Variants in ROBO1 observed in about 807,000 individuals in gnomAD.
ROBO1 encodes the protein roundabout guidance receptor 1.
A neutral mutation model predicts 195.9 loss-of-function variants in ROBO1; 149 were observed. The observed-to-expected ratio is 0.76, with a 90% confidence interval of 0.67 to 0.87. ROBO1 has a LOEUF of 0.87. Ranked by LOEUF, ROBO1 falls within the 40% of genes least tolerant of loss-of-function variation. The pLI is 0.00. For missense variants in ROBO1, 1,933 were observed against 2,068.3 expected (o/e 0.93, Z 1.27); for synonymous variants, 816 against 733.2 (o/e 1.11, Z -1.82).
intron 2 of ROBO1, among the ~76,000 whole-genome samples, chr3:79,479,467 C>T (rs1007882177): frequency 6.6e-6 from 1 of 152,146 alleles, no homozygotes; most frequent in Non-Finnish European, 1.5e-5. Context: ...TGCTACGTGG[C>T]CACGTTCCTA....
intron 14 of ROBO1, 120 bp from the exon 15 acceptor site, chr3:78,662,234 C>T: frequency 2.7e-6 from 2 of 749,338 alleles, no homozygotes; most frequent in South Asian, 3.3e-5. Context: ...CCAAGCCAGG[C>T]TGTGATTCGG....
intron 2 of ROBO1, among the ~76,000 whole-genome samples, chr3:79,232,730 CCTAGAA>C (rs2082342342): frequency 6.6e-6 from 1 of 152,018 alleles, no homozygotes; most frequent in South Asian, 2.1e-4. Flanking sequence ...TAATTTTGAG[CCTAGAA>C]TTTGATACAG....
chr3:79,060,835 TGATG>T (rs1321969487), intron 3 of ROBO1, among the ~76,000 whole-genome samples: 1 of 152,170 alleles, frequency 6.6e-6, no homozygotes, highest in Non-Finnish European at 1.5e-5. Context: ...AACTAGGTAT[TGATG>T]GACTATATCT....
chr3:78,725,372 G>C (rs1368678124), intron 5 of ROBO1, among the ~76,000 whole-genome samples: 1 of 72,010 alleles, frequency 1.4e-5, no homozygotes, highest in African/African-American at 3.5e-5. Flanking sequence ...AATAGTCTCA[G>C]GTTAAAAAAA....
At chr3:79,203,909 C>A (rs1282344462) in intron 2 of ROBO1, among the ~76,000 whole-genome samples, 1 of 152,112 alleles carries the variant, frequency 6.6e-6, no homozygotes, top group Non-Finnish European at 1.5e-5. Context: ...TTTGCCAATG[C>A]CACCCGCTAC....
At chr3:79,622,284 T>C (rs144428965) in intron 1 of ROBO1, among the ~76,000 whole-genome samples, 1 of 152,310 alleles carries the variant, frequency 6.6e-6, no homozygotes, top group African/African-American at 2.4e-5. Context: ...CAACAGCCTG[T>C]CAGCTGGAAC....
chr3:79,361,990 T>C (rs1475769307), intron 2 of ROBO1, among the ~76,000 whole-genome samples: 1 of 152,112 alleles, frequency 6.6e-6, no homozygotes, highest in Non-Finnish European at 1.5e-5. Context: ...TATCAGCTTA[T>C]TCCTCCTGAT....
intron 1 of ROBO1, among the ~76,000 whole-genome samples, chr3:79,705,933 G>A (rs1169103495): frequency 2.0e-5 from 3 of 151,996 alleles, no homozygotes; most frequent in Non-Finnish European, 4.4e-5. Context: ...GTGCTGATAT[G>A]AATATTGTGT....
At chr3:79,525,078 A>G (rs1941369166) in intron 2 of ROBO1, among the ~76,000 whole-genome samples, 1 of 151,826 alleles carries the variant, frequency 6.6e-6, no homozygotes, top group Admixed American at 6.6e-5. Context: ...ATACTTTCTT[A>G]TGTTATATTC....
intron 2 of ROBO1, among the ~76,000 whole-genome samples, chr3:79,248,938 G>C (rs1281299018): frequency 6.6e-6 from 1 of 152,152 alleles, no homozygotes; most frequent in Non-Finnish European, 1.5e-5. Flanking sequence ...AATGGGGAAA[G>C]AAAGGGTTCG....
At chr3:79,642,909 G>A (rs1401670653) in intron 1 of ROBO1, among the ~76,000 whole-genome samples, 2 of 152,106 alleles carry the variant, frequency 1.3e-5, no homozygotes, top group Non-Finnish European at 1.5e-5. Context: ...CTCATAACTC[G>A]TGAAGCCTGT....
At chr3:79,099,630 C>G (rs1490456143) in intron 3 of ROBO1, among the ~76,000 whole-genome samples, 3 of 151,754 alleles carry the variant, frequency 2.0e-5, no homozygotes, top group Non-Finnish European at 4.4e-5. Context: ...TTATAGTTAT[C>G]TTTGAAAAAT....
intron 4 of ROBO1, among the ~76,000 whole-genome samples, chr3:78,761,788 T>A (rs2083111269): frequency 6.6e-6 from 1 of 152,170 alleles, no homozygotes; most frequent in South Asian, 2.1e-4. Flanking sequence ...TTTGCTGCAA[T>A]TACCGATCAT....
intron 1 of ROBO1, among the ~76,000 whole-genome samples, chr3:79,660,711 T>C (rs182755632): frequency 4.6e-4 from 70 of 152,176 alleles, no homozygotes; most frequent in Non-Finnish European, 9.6e-4. Flanking sequence ...CAGAGAGAAA[T>C]ACATTTACCA....
chr3:78,656,123 T>C (rs1467029455), intron 18 of ROBO1, among the ~76,000 whole-genome samples: 1 of 151,408 alleles, frequency 6.6e-6, no homozygotes, highest in East Asian at 1.9e-4. Context: ...TGATGTTAGT[T>C]TTTTTTTTAA....
chr3:78,819,272 TTA>T (rs1443510725), intron 4 of ROBO1, among the ~76,000 whole-genome samples: 1 of 152,120 alleles, frequency 6.6e-6, no homozygotes, highest in Non-Finnish European at 1.5e-5. Context: ...TGCTTTTTCT[TTA>T]TGATTAGTGC....
chr3:79,395,490 G>T (rs2037124071), intron 2 of ROBO1, among the ~76,000 whole-genome samples: 1 of 151,894 alleles, frequency 6.6e-6, no homozygotes, highest in African/African-American at 2.4e-5. Flanking sequence ...AAATTTATAT[G>T]TAGAAATTTC....
intron 2 of ROBO1, among the ~76,000 whole-genome samples, chr3:79,506,595 C>A (rs948593519): frequency 2.6e-5 from 4 of 152,080 alleles, no homozygotes; most frequent in African/African-American, 9.7e-5. Context: ...CAGGCATGCA[C>A]CACCACGCCC....
chr3:79,159,841 TG>T (rs1374812867), intron 2 of ROBO1, among the ~76,000 whole-genome samples: 1 of 152,004 alleles, frequency 6.6e-6, no homozygotes, highest in Non-Finnish European at 1.5e-5. Context: ...AGTTCACAGA[TG>T]GGTATGGTGC....
Sources: gnomAD v4.1 joint callset for allele counts (sites outside exome capture counted in the v4.1 genomes callset) on GRCh38, gnomAD v4.1.1 for gene constraint, MANE v1.5 for transcripts, NCBI Gene and HGNC (gene_info 2026-07-23, HGNC 2026-07-21) for gene names.